TCHH: variants seen among roughly 807,000 people sequenced by gnomAD.
The protein encoded by TCHH is trichohyalin.
A neutral mutation model predicts 6.3 loss-of-function variants in TCHH; 6 were observed. The observed-to-expected ratio is 0.95, with a 90% CI of 0.52 to 1.88. The LOEUF (loss-of-function observed/expected upper bound fraction) is 1.88, where lower values mean the gene tolerates loss of function less well. Ranked by LOEUF, TCHH falls within the 40% of genes most tolerant of loss-of-function variation. TCHH has a pLI of 0.01. For synonymous variants in TCHH, 1,087 were observed against 963.6 expected (o/e 1.13, Z -2.37); for missense variants, 2,920 against 2,449.1 (o/e 1.19, Z -4.06).
In TCHH at chr1:152,109,556, T is replaced by C. The variant is rs1354546749; in HGVS notation, c.3661A>G (p.Ser1221Gly). 1 of 1,614,256 alleles carries C rather than the reference T, an allele frequency of 6.2e-7. No homozygotes were observed. Among genetic ancestry groups the C allele is most frequent in the South Asian group, 1.1e-5 (1 of 91,086 alleles). Reference protein sequence around the residue: ...KQRYRDEDQRSDLKWQWEPEK... With the variant: ...KQRYRDEDQRGDLKWQWEPEK... ...GGTTCCCACTGCCATTTCAGATCAC[T>C]GCGCTGATCCTCATCCCGGTATCGC... Residue 1221 changes from serine to glycine, a missense_variant, in exon 3 of 3, where the codon AGT (serine) becomes GGT (glycine). Physicochemically the swap from Ser to Gly is moderately conservative, Grantham distance 56. Transcript: ENST00000614923.
Position 152,110,614 on chromosome 1 carries a change from T to C in TCHH, c.2603A>G (p.Gln868Arg). 6.2e-7 allele frequency: 1 copy of C among 1,614,210 alleles called. No homozygotes were observed. Among genetic ancestry groups the C allele is most frequent in the Non-Finnish European group, 8.5e-7 (1 of 1,180,038 alleles). The change falls in exon 3 of 3, where the codon CAG (glutamine) becomes CGG (arginine). Residue 868 changes from glutamine (Q) to arginine (R), a missense_variant. Gln to Arg is a conservative substitution (Grantham distance 43). Transcript: ENST00000614923. ...EDQERRRSQE[Q>R]RRDQKWRWQL... ...CCACCTCCATTTTTGGTCGCGGCGC[T>C]GCTCCTGGCTTCGCCTCCTCTCCTG...
chr1:152,108,414 T>C lies in TCHH; in HGVS notation c.4803A>G (p.Glu1601=), dbSNP rs12729461. Residue 1601 remains glutamate, a synonymous_variant, in exon 3 of 3, where the codon GAA becomes GAG. Transcript: ENST00000614923. ...QEQERKFMED[E]QQLRRQEGQQ... ...GGCCCTCCTGGCGGCGCAGCTGCTG[T>C]TCGTCCTCCATGAATTTTCTCTCTT... 6,369 of 1,613,446 alleles carry C rather than the reference T, an allele frequency of 3.9e-3. 18 individuals carry two copies. Among genetic ancestry groups the C allele is most frequent in the Non-Finnish European group, 4.9e-3 (5,829 of 1,179,904 alleles).
chr1:152,114,559 C>CA (rs912202242), intron 1 of TCHH, among the ~76,000 whole-genome samples: 9 of 152,142 alleles, frequency 5.9e-5, no homozygotes, highest in Admixed American at 4.6e-4. Flanking sequence ...GCCATGTCAG[C>CA]AAAACAGTTG....
Position 152,108,559 on chromosome 1 carries a change from C to CGGTCCTGACGCCG in TCHH, c.4645_4657dup (p.Arg1553ProfsTer6), listed in dbSNP as rs748229305. The CGGTCCTGACGCCG allele has an allele frequency of 6.2e-7, 1 of 1,603,524 alleles. No individual in the cohort carries two copies. The highest frequency in any genetic ancestry group is 2.3e-5 in the East Asian group (1 of 43,620). ...TTCCTCCTCGCGGAATTTTCTGTCA[C>CGGTCCTGACGCCG]GGTCCTGACGCCGCTGTTGCCCGCG... On this transcript the variant is annotated frameshift_variant, in exon 3 of 3. Transcript: ENST00000614923. LOFTEE classifies it low-confidence loss of function (END_TRUNC).
Position 152,110,846 on chromosome 1 carries a change from G to A in TCHH, c.2371C>T (p.Arg791Trp), listed in dbSNP as rs1658313482. ...RQRLSARPPLREQRERQLRAE... is the reference protein window; with the variant it reads ...RQRLSARPPLWEQRERQLRAE... ...CTCAGCTGCCTCTCCCGCTGCTCCC[G>A]CAATGGGGGCCTGGCCGACAGCCTC... The change falls in exon 3 of 3, where the codon CGG (arginine) becomes TGG (tryptophan). Residue 791 changes from arginine (R) to tryptophan (W), a missense_variant. Arg to Trp is a moderately radical substitution (Grantham distance 101, BLOSUM62 -3). Coordinates refer to ENST00000614923, the MANE Select transcript of TCHH (RefSeq NM_007113.4). 1 of 1,609,588 alleles carries A rather than the reference G, an allele frequency of 6.2e-7. No homozygotes were observed. Among genetic ancestry groups the A allele is most frequent in the Non-Finnish European group, 8.5e-7 (1 of 1,179,682 alleles).
Position 152,110,930 on chromosome 1 carries a change from G to A in TCHH, c.2287C>T (p.Gln763Ter). 6.2e-7 allele frequency: 1 copy of A among 1,613,140 alleles called. No individual in the cohort carries two copies. Among genetic ancestry groups the A allele is most frequent in the Admixed American group, 1.7e-5 (1 of 60,020 alleles). ...RAHRQQQEEE[Q>*]RRDFTWQWQA... ...CACTGCCATGTGAAGTCCCGGCGCTGCTCCTCTTCCTGCTGCTGCCGGTGA... is the reference window on the plus strand; with the variant it reads ...CACTGCCATGTGAAGTCCCGGCGCTACTCCTCTTCCTGCTGCTGCCGGTGA... Residue 763 changes from glutamine (Q) to a stop codon, truncating the protein, a stop_gained, in exon 3 of 3, where the codon CAG (glutamine) becomes TAG (stop). Coordinates refer to ENST00000614923, the MANE Select transcript of TCHH (RefSeq NM_007113.4). LOFTEE classifies it low-confidence loss of function (END_TRUNC).
Position 152,113,980 on chromosome 1 carries a change from T to C in TCHH, c.101A>G (p.Lys34Arg). ...DGAALTKKDL[K>R]NLLEREFGAV... ...TCCAAATTCCCTTTCAAGGAGGTTC[T>C]TCAGGTCTTTCTTAGTTAATGCTGC... Residue 34 changes from lysine (K) to arginine (R), a missense_variant, in exon 2 of 3, where the codon AAG (lysine) becomes AGG (arginine). By Grantham distance (26) the Lys-to-Arg change is conservative. Coordinates refer to ENST00000614923, the MANE Select transcript of TCHH (RefSeq NM_007113.4). 1.2e-6 allele frequency: 2 copies of C among 1,613,860 alleles called. No individual in the cohort carries two copies. Among genetic ancestry groups the C allele is most frequent in the South Asian group, 1.1e-5 (1 of 91,012 alleles).
At position 152,112,446 on chromosome 1, in the gene TCHH, T is replaced by C. The variant is rs200643004; in HGVS notation, c.771A>G (p.Glu257=). The C allele has an allele frequency of 2.0e-5, 32 of 1,613,582 alleles. No homozygotes were observed. In the Admixed American group the frequency reaches 4.7e-4, roughly 24 times the overall value. The change falls in exon 3 of 3, where the codon GAA becomes GAG. Residue 257 remains glutamate (E), a synonymous_variant. Transcript: ENST00000614923. ...GCGGCTCCTCTTCCTGCAACTTCTC[T>C]TCTTCCTTCCGGAGCACTGTCTCGC... ...RKRETVLRKE[E]EKLQEEEPQR...
chr1:152,107,983 C>T lies in TCHH; in HGVS notation c.5234G>A (p.Arg1745His), dbSNP rs1425330978. The change falls in exon 3 of 3, where the codon CGC becomes CAC. Residue 1745 changes from arginine to histidine, a missense_variant. Physicochemically the swap from Arg to His is conservative, Grantham distance 29 (BLOSUM62 0). Coordinates refer to ENST00000614923, the MANE Select transcript of TCHH (RefSeq NM_007113.4). ...TEQEQLRRQERYRKILEEEQL... is the reference protein window; with the variant it reads ...TEQEQLRRQEHYRKILEEEQL... Reference sequence around the variant, plus strand: ...CTCTTCCTCTAGGATTTTTCTGTAGCGTTCTTGGCGGCGCAGCTGCTCTTG... The same window carrying T: ...CTCTTCCTCTAGGATTTTTCTGTAGTGTTCTTGGCGGCGCAGCTGCTCTTG... 6.2e-7 allele frequency: 1 copy of T among 1,611,736 alleles called. No individual in the cohort carries two copies. The highest frequency in any genetic ancestry group is 1.3e-5 in the African/African-American group (1 of 74,158).
At position 152,107,672 on chromosome 1, in the gene TCHH, C is replaced by A; in HGVS notation, c.5545G>T (p.Glu1849Ter). ...QERDRQYRAE[E>*]QFATQEKSRR... ...CTCTTCTCCTGCGTGGCAAACTGCT[C>A]CTCCGCCCGGTACTGCCGGTCTCGC... The change falls in exon 3 of 3, where the codon GAG (glutamate) becomes TAG (stop). Residue 1849 changes from glutamate to a stop codon, truncating the protein, a stop_gained. Transcript: ENST00000614923. LOFTEE classifies it low-confidence loss of function (END_TRUNC). The A allele has an allele frequency of 6.2e-7, 1 of 1,613,080 alleles. No individual in the cohort carries two copies. The highest frequency in any genetic ancestry group is 8.5e-7 in the Non-Finnish European group (1 of 1,180,034).
At position 152,108,863 on chromosome 1, in the gene TCHH, C is replaced by G. The variant is rs201042895; in HGVS notation, c.4354G>C (p.Glu1452Gln). 1.5e-5 allele frequency: 24 copies of G among 1,611,842 alleles called. No individual in the cohort carries two copies. The highest frequency in any genetic ancestry group is 1.2e-4 in the Admixed American group (7 of 59,828). The part of the protein sequence containing the change: ...QERERKFLEE[E>Q]QQLRQERHRK... ...TGACGCTCCTGGCGCAGCTGCTGTT[C>G]CTCCTCCAGGAATTTTCTCTCTCGT... The change falls in exon 3 of 3, where the codon GAA becomes CAA. Residue 1452 changes from glutamate to glutamine, a missense_variant. Glu to Gln is a conservative substitution (Grantham distance 29, BLOSUM62 2). Coordinates refer to ENST00000614923, the MANE Select transcript of TCHH (RefSeq NM_007113.4).
rs1212261036 is a variant in TCHH, at chr1:152,115,442, T to C, written c.-83A>G. ...AGTGCTTGCTGACACCACAGGCAAG[T>C]GTACTGGGTAACTGGGAGCTGGGCC... is the stretch of plus-strand genomic sequence containing the variant. On this transcript the variant is annotated 5_prime_UTR_variant, in exon 1 of 3. Coordinates refer to ENST00000614923, the MANE Select transcript of TCHH (RefSeq NM_007113.4). 6.6e-6 allele frequency: 1 copy of C among 152,226 alleles called. No homozygotes were observed. The highest frequency in any genetic ancestry group is 2.4e-5 in the African/African-American group (1 of 41,464). 9.4% of individuals were successfully genotyped at this position (152,226 alleles called of 1,614,324 possible).
Position 152,109,374 on chromosome 1 carries a change from T to G in TCHH, c.3843A>C (p.Gln1281His), listed in dbSNP as rs769551181. The G allele has an allele frequency of 6.2e-7, 1 of 1,614,232 alleles. No individual in the cohort carries two copies. Among genetic ancestry groups the G allele is most frequent in the South Asian group, 1.1e-5 (1 of 91,088 alleles). The change falls in exon 3 of 3, where the codon CAA (glutamine) becomes CAC (histidine). Residue 1281 changes from glutamine to histidine, a missense_variant. By Grantham distance (24) the Gln-to-His change is conservative. Transcript: ENST00000614923. Reference sequence around the variant, plus strand: ...CGCGCTGCTGCCAGCGCCTCCTCTCTTGCTCACGATCTCGCTCTTGCTGTT... The same window carrying G: ...CGCGCTGCTGCCAGCGCCTCCTCTCGTGCTCACGATCTCGCTCTTGCTGTT... ...LGEQQERDRE[Q>H]ERRRWQQRDR...
At position 152,108,368 on chromosome 1, in the gene TCHH, G is replaced by A. The variant is rs372794123; in HGVS notation, c.4849C>T (p.Arg1617Cys). 3.1e-6 allele frequency: 5 copies of A among 1,606,486 alleles called. No homozygotes were observed. The highest frequency in any genetic ancestry group is 1.4e-5 in the African/African-American group (1 of 72,408). ...QEGQQQLRQE[R>C]DRKFREDEQL... Reference sequence around the variant, plus strand: ...TCGTCTTCGCGGAATTTTCTGTCGCGCTCCTGGCGCAGCTGTTGTTGGCCC... The same window carrying A: ...TCGTCTTCGCGGAATTTTCTGTCGCACTCCTGGCGCAGCTGTTGTTGGCCC... Residue 1617 changes from arginine to cysteine, a missense_variant, in exon 3 of 3, where the codon CGC (arginine) becomes TGC (cysteine). By Grantham distance (180) the Arg-to-Cys change is radical. Transcript: ENST00000614923.
rs377273868 is a variant in TCHH, at chr1:152,111,560, C to T, written c.1657G>A (p.Glu553Lys). The T allele has an allele frequency of 2.3e-5, 37 of 1,600,558 alleles. No individual in the cohort carries two copies. The African/African-American group carries it at 3.0e-4, about 13-fold the overall frequency. The change falls in exon 3 of 3, where the codon GAG (glutamate) becomes AAG (lysine). Residue 553 changes from glutamate to lysine, a missense_variant. By Grantham distance (56) the Glu-to-Lys change is moderately conservative. Coordinates refer to ENST00000614923, the MANE Select transcript of TCHH (RefSeq NM_007113.4). ...TCCTGCTCGAGCCTCTTCTCCTCCT[C>T]GCGCTTCAGCAGCTGCTCGCGCCTC... ...EERREQLLKR[E>K]EEKRLEQERR...
Position 152,110,587 on chromosome 1 carries a change from T to C in TCHH, c.2630A>G (p.Gln877Arg). The C allele has an allele frequency of 6.2e-7, 1 of 1,614,174 alleles. No individual in the cohort carries two copies. Among genetic ancestry groups the C allele is most frequent in the Non-Finnish European group, 8.5e-7 (1 of 1,180,034 alleles). ...EQRRDQKWRW[Q>R]LEEERKRRRH... ...GCGTCTCTTCCTTTCTTCTTCTAGT[T>C]GCCACCTCCATTTTTGGTCGCGGCG... The change falls in exon 3 of 3, where the codon CAA becomes CGA. Residue 877 changes from glutamine to arginine, a missense_variant. Coordinates refer to ENST00000614923, the MANE Select transcript of TCHH (RefSeq NM_007113.4).
rs1425759819 is a variant in TCHH at position 152,110,794 on chromosome 1, T to TG, written c.2422dup (p.Gln808ProfsTer157). 2 of 1,607,934 alleles carry TG rather than the reference T, an allele frequency of 1.2e-6. No individual in the cohort carries two copies. Among genetic ancestry groups the TG allele is most frequent in the East Asian group, 4.5e-5 (2 of 44,852 alleles). ...CTCCTCCTCCTCCGGGAGAAACCGT[T>TG]GTTCCCGCTGCTGGCGCTCCTCGGC... On this transcript the variant is annotated frameshift_variant, in exon 3 of 3. Coordinates refer to ENST00000614923, the MANE Select transcript of TCHH (RefSeq NM_007113.4). LOFTEE classifies it low-confidence loss of function (END_TRUNC).
At position 152,110,574 on chromosome 1, in the gene TCHH, T is replaced by C; in HGVS notation, c.2643A>G (p.Glu881=). The C allele has an allele frequency of 6.2e-7, 1 of 1,612,764 alleles. No homozygotes were observed. The highest frequency in any genetic ancestry group is 2.2e-5 in the East Asian group (1 of 44,868). ...ACAGCGTGTGGCGGCGTCTCTTCCT[T>C]TCTTCTTCTAGTTGCCACCTCCATT... ...DQKWRWQLEE[E]RKRRRHTLYA... The change falls in exon 3 of 3, where the codon GAA becomes GAG. Residue 881 remains glutamate, a synonymous_variant. Coordinates refer to ENST00000614923, the MANE Select transcript of TCHH (RefSeq NM_007113.4).
Position 152,112,649 on chromosome 1 carries a change from C to T in TCHH, c.568G>A (p.Glu190Lys), listed in dbSNP as rs866469839. The change falls in exon 3 of 3, where the codon GAA (glutamate) becomes AAA (lysine). Residue 190 changes from glutamate (E) to lysine (K), a missense_variant. Glu to Lys is a moderately conservative substitution (Grantham distance 56, BLOSUM62 1). Transcript: ENST00000614923. ...CCTTTGCAACTCTGCAGCTGCTCTTCCTCTGCACGGCGCTCTTCCCGTTCT... is the reference window on the plus strand; with the variant it reads ...CCTTTGCAACTCTGCAGCTGCTCTTTCTCTGCACGGCGCTCTTCCCGTTCT... ...WQEREERRAE[E>K]EQLQSCKGHE... The T allele has an allele frequency of 1.9e-6, 3 of 1,613,726 alleles. No individual in the cohort carries two copies. The highest frequency in any genetic ancestry group is 1.1e-5 in the South Asian group (1 of 91,072).
Sources: gnomAD v4.1 joint callset for allele counts (sites outside exome capture counted in the v4.1 genomes callset) on GRCh38, gnomAD v4.1.1 for gene constraint, MANE v1.5 for transcripts, NCBI Gene and HGNC (gene_info 2026-07-23, HGNC 2026-07-21) for gene names.